Variants in ULK4 observed in about 807,000 individuals in gnomAD.
The protein encoded by ULK4 is inactive serine/threonine-protein kinase ULK4.
A neutral mutation model predicts 160.6 loss-of-function variants in ULK4; 133 were observed. The observed-to-expected ratio is 0.83, with a 90% confidence interval of 0.72 to 0.96. The LOEUF (loss-of-function observed/expected upper bound fraction) is 0.96, where lower values mean the gene tolerates loss of function less well. ULK4 is among the 40% of genes least tolerant of loss of function. The pLI is 0.00. For missense variants in ULK4, 1,580 were observed against 1,499.5 expected, an observed-to-expected ratio of 1.05 and a Z score of -0.89; for synonymous variants, 534 against 539.8, an observed-to-expected ratio of 0.99 and a Z score of 0.15.
intron 33 of ULK4, among the ~76,000 whole-genome samples, chr3:41,455,903 A>C (rs926316363): frequency 6.6e-6 from 1 of 152,004 alleles, no homozygotes; most frequent in African/African-American, 2.4e-5. Flanking sequence ...GCAGTGAGGA[A>C]GCGCTTAATC....
chr3:41,348,206 C>CAAAAAAAAAAAAAAAAAAA (rs1197234650), intron 35 of ULK4, among the ~76,000 whole-genome samples: 1 of 22,964 alleles, frequency 4.4e-5, no homozygotes, highest in African/African-American at 1.7e-4. Context: ...AACTCTGTCT[C>CAAAAAAAAAAAAAAAAAAA]AAAAAAAAAA....
intron 22 of ULK4, among the ~76,000 whole-genome samples, chr3:41,723,884 T>C (rs1358333934): frequency 6.6e-6 from 1 of 152,194 alleles, no homozygotes; most frequent in East Asian, 1.9e-4. Flanking sequence ...AGCATGTGAC[T>C]GGAACACTCT....
At chr3:41,746,296 A>C (rs946606802) in intron 22 of ULK4, among the ~76,000 whole-genome samples, 17 of 143,244 alleles carry the variant, frequency 1.2e-4, no homozygotes, top group Non-Finnish European at 2.1e-4. Context: ...AAAAAAAAAA[A>C]CCACCTACAA....
chr3:41,292,521 C>G (rs941577543), intron 35 of ULK4, among the ~76,000 whole-genome samples: 5 of 152,164 alleles, frequency 3.3e-5, no homozygotes, highest in African/African-American at 1.2e-4. Context: ...TGGCAGGCAC[C>G]TGTAATTCCA....
At chr3:41,262,746 G>C (rs1575367326) in intron 35 of ULK4, among the ~76,000 whole-genome samples, 1 of 152,290 alleles carries the variant, frequency 6.6e-6, no homozygotes, top group East Asian at 1.9e-4. Flanking sequence ...TCAGCTCTCT[G>C]CAGGGCAGTA....
intron 35 of ULK4, among the ~76,000 whole-genome samples, chr3:41,311,862 C>T (rs374625660): frequency 3.8e-4 from 53 of 139,584 alleles, no homozygotes; most frequent in East Asian, 2.0e-3. Flanking sequence ...CCACTGCACC[C>T]GGCCAAACTC....
chr3:41,749,154 T>A (rs2038526609), intron 22 of ULK4, among the ~76,000 whole-genome samples: 1 of 152,240 alleles, frequency 6.6e-6, no homozygotes, highest in Non-Finnish European at 1.5e-5. Flanking sequence ...TGGTATTCAA[T>A]AAATTACATG....
chr3:41,307,839 T>C (rs759903917), intron 35 of ULK4, among the ~76,000 whole-genome samples: 1 of 126,524 alleles, frequency 7.9e-6, no homozygotes, highest in African/African-American at 3.5e-5. Context: ...CATACATACA[T>C]ACATACACAT....
At chr3:41,957,605 T>G (rs961896000) in intron 1 of ULK4, among the ~76,000 whole-genome samples, 4 of 151,472 alleles carry the variant, frequency 2.6e-5, no homozygotes, top group Non-Finnish European at 4.4e-5. Context: ...CTCACCCCTT[T>G]GGGAGGCCAA....
chr3:41,737,247 G>A lies in ULK4; in HGVS notation c.2321+17114C>T, dbSNP rs1032869447. ...AGACAAACAGAGAGCCAAATCATGA[G>A]TGAACTCCCATTCACAACTGCTTCA... On this transcript the variant is annotated intron_variant, in intron 22 of 36. Transcript: ENST00000301831. Among the ~76,000 whole-genome samples the A allele has an allele frequency of 3.3e-5, 5 of 151,880 alleles. 1 individual carries two copies. Among genetic ancestry groups the A allele is most frequent in the African/African-American group, 1.2e-4 (5 of 41,182 alleles).
intron 30 of ULK4, among the ~76,000 whole-genome samples, chr3:41,642,464 T>C (rs1157494275): frequency 6.6e-6 from 1 of 152,078 alleles, no homozygotes; most frequent in East Asian, 1.9e-4. Flanking sequence ...CTTGCCATAG[T>C]TTACTGAGAA....
rs55662967 is a variant in ULK4 at position 41,298,219 on chromosome 3, T to A, written c.3679-48645A>T. On this transcript the variant is annotated intron_variant, in intron 35 of 36. Coordinates refer to ENST00000301831, the MANE Select transcript of ULK4 (RefSeq NM_017886.4). ...AAACCAGAAACCTACTGAAATACTT[T>A]AAAAAATTGGCTTTTGGTTTTTCTG... Among the ~76,000 whole-genome samples, 836 of 152,392 alleles carry A rather than the reference T, an allele frequency of 5.5e-3. 13 individuals carry two copies. Among genetic ancestry groups the A allele is most frequent in the African/African-American group, 0.019 (793 of 41,606 alleles).
intron 25 of ULK4, 57 bp downstream of exon 25, chr3:41,715,180 A>C: frequency 6.5e-7 from 1 of 1,530,354 alleles, no homozygotes; most frequent in Non-Finnish European, 9.0e-7. Context: ...CAAATTCTAC[A>C]AACAGTAGAG....
chr3:41,261,769 T>C (rs904519082), intron 35 of ULK4, among the ~76,000 whole-genome samples: 4 of 152,208 alleles, frequency 2.6e-5, no homozygotes, highest in African/African-American at 9.7e-5. Context: ...GTGGATCCTG[T>C]GTACTGTCCA....
At position 41,564,610 on chromosome 3, in the gene ULK4, C is replaced by A. The variant is rs557073645; in HGVS notation, c.3226+1415G>T. 1.4e-3 allele frequency among the ~76,000 whole-genome samples: 207 copies of A among 151,914 alleles called. 1 individual carries two copies. The highest frequency in any genetic ancestry group is 1.8e-3 in the Admixed American group (28 of 15,254). ...AGTAGCTGGGACTACAGTCACCCGC[C>A]ACCACACCTGGCTAATTTTTCTATT... On this transcript the variant is annotated intron_variant, in intron 32 of 36. Transcript: ENST00000301831.
chr3:41,413,804 C>T (rs757379526), intron 34 of ULK4, among the ~76,000 whole-genome samples: 2 of 152,132 alleles, frequency 1.3e-5, no homozygotes, highest in East Asian at 1.9e-4. Flanking sequence ...ATATTATTTC[C>T]ATTGCTTTCT....
intron 33 of ULK4, among the ~76,000 whole-genome samples, chr3:41,457,379 G>A (rs763726645): frequency 6.6e-6 from 1 of 152,108 alleles, no homozygotes; most frequent in South Asian, 2.1e-4. Flanking sequence ...TAGTCGCCAA[G>A]AAACATCGAC....
intron 32 of ULK4, among the ~76,000 whole-genome samples, chr3:41,548,022 G>T (rs2125961504): frequency 6.6e-6 from 1 of 152,244 alleles, no homozygotes; most frequent in South Asian, 2.1e-4. Context: ...TTGCATACTT[G>T]CAAGTGTGTT....
chr3:41,464,471 T>A (rs778330358), intron 32 of ULK4, among the ~76,000 whole-genome samples: 1 of 152,114 alleles, frequency 6.6e-6, no homozygotes, highest in Non-Finnish European at 1.5e-5. Flanking sequence ...ACCGTCAAAA[T>A]TTCCTTATCA....
Sources: gnomAD v4.1 joint callset for allele counts (sites outside exome capture counted in the v4.1 genomes callset) on GRCh38, gnomAD v4.1.1 for gene constraint, MANE v1.5 for transcripts, NCBI Gene and HGNC (gene_info 2026-07-23, HGNC 2026-07-21) for gene names.